OPHN1: variants seen among roughly 807,000 people sequenced by gnomAD.
OPHN1 encodes oligophrenin 1, also known as oligophrenin-1.
In OPHN1, 11 loss-of-function variants were observed where a neutral mutation model predicts 60.7. The ratio of observed to expected loss-of-function variants is 0.18; its 90% CI spans 0.11 to 0.30. The LOEUF is 0.30. OPHN1 is among the 10% of genes least tolerant of loss of function. OPHN1 has a pLI of 1.00. For synonymous variants in OPHN1, 226 were observed against 222.6 expected, an observed-to-expected ratio of 1.02 and a Z score of -0.14; for missense variants, 449 against 611.0, an observed-to-expected ratio of 0.73 and a Z score of 2.80.
At chrX:68,168,358 A>T (rs1467883205) in intron 15 of OPHN1, among the ~76,000 whole-genome samples, 1 of 112,548 alleles carries the variant, frequency 8.9e-6, no homozygotes, top group Non-Finnish European at 1.9e-5. Flanking sequence ...CTCACTCAAA[A>T]CCACTCAACT....
At chrX:68,154,104 A>G (rs2077298037) in intron 15 of OPHN1, among the ~76,000 whole-genome samples, 1 of 112,345 alleles carries the variant, frequency 8.9e-6, no homozygotes, top group Non-Finnish European at 1.9e-5. Context: ...CATGAAAATA[A>G]TAGCAGCTAA....
intron 2 of OPHN1, among the ~76,000 whole-genome samples, chrX:68,389,574 A>AATAC (rs1243315723): frequency 1.0e-5 from 1 of 100,304 alleles, no homozygotes; most frequent in African/African-American, 3.6e-5. Flanking sequence ...CTCAAAAATA[A>AATAC]ATAAATAAAT....
At chrX:68,416,047 TATATATATATATATATATATAG>T (rs1369108442) in intron 2 of OPHN1, among the ~76,000 whole-genome samples, 30 of 32,480 alleles carry the variant, frequency 9.2e-4, no homozygotes, top group African/African-American at 1.2e-3. Flanking sequence ...TATATATATA[TATATATATATATATATATATAG>T]AGAGAGAGAG....
At position 68,229,951 on chromosome X, in the gene OPHN1, G is replaced by T. The variant is rs756325239; in HGVS notation, c.486+4536C>A. 7.3e-5 allele frequency among the ~76,000 whole-genome samples: 8 copies of T among 110,194 alleles called. No homozygotes were observed. The South Asian group carries it at 2.7e-3, about 37-fold the overall frequency. The stretch of plus-strand genomic sequence containing the variant: ...ACTAAAGAGCTTCTGCACAGCAAAA[G>T]AAACTACTGTCAGAGTGCACAGGCA... On this transcript the variant is annotated intron_variant, in intron 6 of 24. Transcript: ENST00000355520.
At chrX:68,360,607 T>G (rs1283766059) in intron 2 of OPHN1, among the ~76,000 whole-genome samples, 1 of 110,814 alleles carries the variant, frequency 9.0e-6, no homozygotes, top group Non-Finnish European at 1.9e-5. Context: ...ATGGGTAACA[T>G]AGTGAGACCC....
intron 2 of OPHN1, among the ~76,000 whole-genome samples, chrX:68,427,868 C>T (rs1451196309): frequency 2.8e-5 from 3 of 108,519 alleles, no homozygotes; most frequent in African/African-American, 1.0e-4. Context: ...TGGTGGCTCA[C>T]GCCTGTAATC....
intron 15 of OPHN1, among the ~76,000 whole-genome samples, chrX:68,171,785 C>CAA (rs986524812): frequency 1.8e-5 from 2 of 110,483 alleles, no homozygotes; most frequent in Non-Finnish European, 3.8e-5. Context: ...ACAGTCCAAT[C>CAA]AAAAAGTGGA....
chrX:68,263,537 T>C (rs1248724857), intron 5 of OPHN1, among the ~76,000 whole-genome samples: 2 of 112,251 alleles, frequency 1.8e-5, no homozygotes, highest in African/African-American at 6.5e-5. Context: ...GCACATATAA[T>C]TGATGAAAGA....
intron 2 of OPHN1, among the ~76,000 whole-genome samples, chrX:68,316,712 C>T (rs1350742712): frequency 8.9e-6 from 1 of 111,843 alleles, no homozygotes; most frequent in Middle Eastern, 4.2e-3. Flanking sequence ...CTGCCTCCCT[C>T]TTCAATGTAT....
intron 2 of OPHN1, among the ~76,000 whole-genome samples, chrX:68,379,935 G>A (rs1445835667): frequency 9.1e-6 from 1 of 109,875 alleles, no homozygotes; most frequent in East Asian, 2.8e-4. Context: ...GATGATGCTG[G>A]CCTCATAAAA....
intron 2 of OPHN1, among the ~76,000 whole-genome samples, chrX:68,401,481 C>T (rs989917999): frequency 4.5e-5 from 5 of 112,055 alleles, no homozygotes; most frequent in Admixed American, 1.9e-4. Context: ...CAAATTGTAC[C>T]GTAACACAAT....
chrX:68,398,457 A>G (rs1202529523), intron 2 of OPHN1, among the ~76,000 whole-genome samples: 14 of 112,125 alleles, frequency 1.2e-4, no homozygotes, highest in Non-Finnish European at 1.9e-5. Flanking sequence ...TATGTATTCC[A>G]CTGCTGTGGT....
chrX:68,371,957 C>G (rs1405118916), intron 2 of OPHN1, among the ~76,000 whole-genome samples: 1 of 111,770 alleles, frequency 8.9e-6, no homozygotes, highest in African/African-American at 3.3e-5. Context: ...GTTGGCCAGG[C>G]TGGTCTCAAA....
At chrX:68,355,847 G>C (rs35618285) in intron 2 of OPHN1, among the ~76,000 whole-genome samples, 2 of 111,272 alleles carry the variant, frequency 1.8e-5, no homozygotes, top group African/African-American at 6.5e-5. Context: ...GACCAGCCTG[G>C]TCAACATGAC....
At chrX:68,347,111 A>G (rs1335222485) in intron 2 of OPHN1, among the ~76,000 whole-genome samples, 1 of 111,142 alleles carries the variant, frequency 9.0e-6, no homozygotes, top group African/African-American at 3.3e-5. Flanking sequence ...TATATTCTCC[A>G]GTGTCTTTTA....
chrX:68,380,585 C>G (rs752686786), intron 2 of OPHN1, among the ~76,000 whole-genome samples: 111 of 111,509 alleles, frequency 1.0e-3, no homozygotes, highest in African/African-American at 2.9e-3. Flanking sequence ...AAATTTCCCT[C>G]TACACACTGC....
At chrX:68,366,699 C>T (rs910865773) in intron 2 of OPHN1, among the ~76,000 whole-genome samples, 7 of 111,679 alleles carry the variant, frequency 6.3e-5, no homozygotes, top group East Asian at 5.6e-4. Flanking sequence ...ATACATTTTA[C>T]TATCAATGGC....
At position 68,404,284 on chromosome X, in the gene OPHN1, C is replaced by T. The variant is rs780648481; in HGVS notation, c.154+28583G>A. Among the ~76,000 whole-genome samples the T allele has an allele frequency of 1.4e-3, 152 of 109,070 alleles. 1 individual carries two copies. The highest frequency in any genetic ancestry group is 4.7e-3 in the African/African-American group (140 of 29,924). 94.7% of individuals were successfully genotyped at this position (109,070 alleles called of 115,157 possible). On this transcript the variant is annotated intron_variant, in intron 2 of 24. Coordinates refer to ENST00000355520, the MANE Select transcript of OPHN1 (RefSeq NM_002547.3). The stretch of plus-strand genomic sequence containing the variant: ...AAGCGATTCTCCTGCCTCAGCCTCC[C>T]GAGTAGATGGGATTACAGGTATGCA...
At chrX:68,356,610 G>A (rs2078442373) in intron 2 of OPHN1, among the ~76,000 whole-genome samples, 1 of 110,427 alleles carries the variant, frequency 9.1e-6, no homozygotes, top group African/African-American at 3.3e-5. Flanking sequence ...GTGGGGTTTT[G>A]CCATGTTGCC....
Sources: gnomAD v4.1 joint callset for allele counts (sites outside exome capture counted in the v4.1 genomes callset) on GRCh38, gnomAD v4.1.1 for gene constraint, MANE v1.5 for transcripts, NCBI Gene and HGNC (gene_info 2026-07-23, HGNC 2026-07-21) for gene names.